The following MASP2 variants were observed in gnomAD, a reference collection of about 807,000 sequenced individuals.
The protein encoded by MASP2 is MBL associated serine protease 2, also known as mannan-binding lectin serine protease 2.
Under a neutral mutation model 57.1 loss-of-function variants are expected in MASP2, and 49 were observed. That is an observed-to-expected ratio of 0.86 (90% CI 0.68 to 1.09). The LOEUF (loss-of-function observed/expected upper bound fraction) is 1.09, where lower values mean the gene tolerates loss of function less well. Among genes scored for constraint, MASP2 ranks in the 50% least tolerant of loss-of-function variants. The pLI is 0.00. For synonymous variants in MASP2, 379 were observed against 340.8 expected, an observed-to-expected ratio of 1.11 and a Z score of -1.24; for missense variants, 900 against 874.8, an observed-to-expected ratio of 1.03 and a Z score of -0.36.
At chr1:11,034,721 G>GA in intron 8 of MASP2, 107 bp downstream of exon 8, 1 of 699,488 alleles carries the variant, frequency 1.4e-6, no homozygotes. Flanking sequence ...AAAAGGGAAA[G>GA]AAAAAAGAAA....
chr1:11,031,132 G>T (rs1169788540), intron 8 of MASP2, among the ~76,000 whole-genome samples: 1 of 152,014 alleles, frequency 6.6e-6, no homozygotes, highest in Non-Finnish European at 1.5e-5. Flanking sequence ...CTGAACTGAG[G>T]GGGAGTCGTC....
intron 3 of MASP2, chr1:11,046,215 G>A (rs1026388027): frequency 1.3e-5 from 5 of 382,994 alleles, no homozygotes; most frequent in African/African-American, 1.0e-4. Context: ...GTTTCACCGT[G>A]TTGCCCTGGC....
At chr1:11,040,249 T>A (rs1037707717) in intron 6 of MASP2, among the ~76,000 whole-genome samples, 4 of 151,724 alleles carry the variant, frequency 2.6e-5, no homozygotes, top group Non-Finnish European at 5.9e-5. Context: ...GGCGGATGGA[T>A]CACGAGGTCA....
chr1:11,045,020 G>A, intron 4 of MASP2: 6 of 1,493,082 alleles, frequency 4.0e-6, no homozygotes, highest in Non-Finnish European at 2.8e-6. Context: ...GGGAGGCAGG[G>A]TCAGCGCCAG....
chr1:11,036,761 C>T (rs781447349), intron 7 of MASP2, among the ~76,000 whole-genome samples: 6 of 150,128 alleles, frequency 4.0e-5, no homozygotes, highest in Non-Finnish European at 8.9e-5. Flanking sequence ...GTGTTAATTT[C>T]TTACCTGTGC....
In MASP2 at chr1:11,040,088, G is replaced by T. The variant is rs114382012; in HGVS notation, c.890-2277C>A. On this transcript the variant is annotated intron_variant, in intron 6 of 10. Transcript: ENST00000400897. ...AGAAGGATGTGTAGGTAGAAGGATG[G>T]GTGGATGGTTGGATGAATAGAGGAA... Among the ~76,000 whole-genome samples the T allele has an allele frequency of 1.5e-3, 222 of 151,818 alleles. 4 individuals carry two copies. Among genetic ancestry groups the T allele is most frequent in the African/African-American group, 5.2e-3 (216 of 41,322 alleles).
At chr1:11,034,362 C>A (rs980195663) in intron 8 of MASP2, among the ~76,000 whole-genome samples, 94 of 148,796 alleles carry the variant, frequency 6.3e-4, no homozygotes, top group African/African-American at 2.3e-3. Context: ...TAAAAAGAAG[C>A]AAATTTGAAA....
At chr1:11,045,873 G>A (rs1638623346) in intron 3 of MASP2, 2 of 343,520 alleles carry the variant, frequency 5.8e-6, no homozygotes, top group Non-Finnish European at 1.1e-5. Flanking sequence ...CTAAGGAGCA[G>A]AGAAATTGAG....
chr1:11,041,713 GAATGGATGGATGGATGGATGGGT>G (rs1638451115), intron 6 of MASP2, among the ~76,000 whole-genome samples: 1 of 151,120 alleles, frequency 6.6e-6, no homozygotes. Flanking sequence ...ATGGATGGGT[GAATGGATGGATGGATGGATGGGT>G]GAAGAATGGG....
At chr1:11,043,747 G>A (rs1173204787) in intron 4 of MASP2, among the ~76,000 whole-genome samples, 1 of 152,120 alleles carries the variant, frequency 6.6e-6, no homozygotes, top group African/African-American at 2.4e-5. Flanking sequence ...GGGCCGCTTA[G>A]AGAGGGGGTT....
intron 6 of MASP2, 74 bp from the exon 7 acceptor site, chr1:11,037,885 G>A: frequency 1.2e-6 from 1 of 808,786 alleles, no homozygotes; most frequent in Non-Finnish European, 2.0e-6. Flanking sequence ...GCCATCTGAA[G>A]TTCTTAGTTT....
At chr1:11,034,214 GC>G (rs1643872446) in intron 8 of MASP2, among the ~76,000 whole-genome samples, 1 of 145,718 alleles carries the variant, frequency 6.9e-6, no homozygotes, top group Non-Finnish European at 1.5e-5. Context: ...CTGTACTCCA[GC>G]CTGGGCAACA....
At chr1:11,031,952 T>C (rs142142351) in intron 8 of MASP2, among the ~76,000 whole-genome samples, 7 of 152,238 alleles carry the variant, frequency 4.6e-5, no homozygotes, top group South Asian at 4.1e-4. Flanking sequence ...TTTTAATAAA[T>C]TGAAGTTTTT....
chr1:11,041,132 T>TGGATGGAA (rs1184500568), intron 6 of MASP2, among the ~76,000 whole-genome samples: 5 of 146,144 alleles, frequency 3.4e-5, no homozygotes, highest in East Asian at 2.1e-4. Flanking sequence ...GATGGATGGA[T>TGGATGGAA]GGAAGGATGT....
In MASP2 at chr1:11,042,870, C is replaced by T. The variant is rs1385843234; in HGVS notation, c.889+5G>A. On this transcript the variant is annotated splice_donor_5th_base_variant and intron_variant, in intron 6 of 10. Coordinates refer to ENST00000400897, the MANE Select transcript of MASP2 (RefSeq NM_006610.4). The stretch of plus-strand genomic sequence containing the variant: ...CCAGCCAAGATCTGAGACCCACTTG[C>T]TCACCTGTGCTCGTGTAGTGGATCT... 6.2e-7 allele frequency: 1 copy of T among 1,613,446 alleles called. No homozygotes were observed. Among genetic ancestry groups the T allele is most frequent in the Non-Finnish European group, 8.5e-7 (1 of 1,179,646 alleles).
intron 7 of MASP2, among the ~76,000 whole-genome samples, chr1:11,036,336 C>T (rs12733760): frequency 2.7e-5 from 4 of 149,958 alleles, no homozygotes; most frequent in African/African-American, 9.8e-5. Context: ...AACCCCGTCT[C>T]TACTAAAAAT....
intron 8 of MASP2, among the ~76,000 whole-genome samples, chr1:11,033,213 A>G (rs1643865738): frequency 6.6e-6 from 1 of 152,008 alleles, no homozygotes; most frequent in African/African-American, 2.4e-5. Flanking sequence ...CTGTAATCCC[A>G]GCTACTAGGG....
chr1:11,043,650 ATCTG>A, intron 4 of MASP2, 115 bp from the exon 5 acceptor site: 1 of 729,902 alleles, frequency 1.4e-6, no homozygotes, highest in Non-Finnish European at 2.2e-6. Flanking sequence ...TGGCTGGGAC[ATCTG>A]CATCCCTGGG....
rs757808259 is a variant in MASP2, at chr1:11,040,957, A to AGATG, written c.889+1914_889+1917dup. On this transcript the variant is annotated intron_variant, in intron 6 of 10. Coordinates refer to ENST00000400897, the MANE Select transcript of MASP2 (RefSeq NM_006610.4). ...TGGGTGGGTAGATAGATAGCTGGAA[A>AGATG]GATGGATGGATGGATGGATGGATAG... is the stretch of plus-strand genomic sequence containing the variant. Among the ~76,000 whole-genome samples the AGATG allele has an allele frequency of 2.4e-3, 346 of 146,696 alleles. 2 individuals carry two copies. Among genetic ancestry groups the AGATG allele is most frequent in the Admixed American group, 5.7e-3 (84 of 14,822 alleles).
Sources: allele counts gnomAD v4.1 joint callset (sites outside exome capture counted in the v4.1 genomes callset), GRCh38; gene constraint gnomAD v4.1.1; transcripts MANE v1.5; gene names NCBI Gene and HGNC (gene_info 2026-07-23, HGNC 2026-07-21).